CADM2: variants seen among roughly 807,000 people sequenced by gnomAD.
CADM2 encodes the protein immunoglobulin superfamily member 4D.
CADM2 carries 12 observed loss-of-function variants against 49.8 expected under a neutral mutation model. The ratio of observed to expected loss-of-function variants is 0.24; its 90% confidence interval spans 0.15 to 0.39. CADM2 has a LOEUF of 0.39. Among genes scored for constraint, CADM2 ranks in the 10% least tolerant of loss-of-function variants. The pLI, the probability that CADM2 is intolerant of heterozygous loss-of-function variation, is 1.00. For missense variants in CADM2, 378 were observed against 492.3 expected (o/e 0.77, Z 2.20); for synonymous variants, 214 against 175.4 (o/e 1.22, Z -1.74).
intron 2 of CADM2, among the ~76,000 whole-genome samples, chr3:85,753,151 T>C (rs2107868020): frequency 6.6e-6 from 1 of 152,322 alleles, no homozygotes; most frequent in South Asian, 2.1e-4. Flanking sequence ...GGAGCTGTGC[T>C]GTAGACAGCA....
chr3:85,362,143 A>T (rs1241078202), intron 1 of CADM2, among the ~76,000 whole-genome samples: 1 of 152,218 alleles, frequency 6.6e-6, no homozygotes, highest in Non-Finnish European at 1.5e-5. Flanking sequence ...GAAATTAGGC[A>T]TATGGAATAT....
chr3:85,646,857 T>C (rs1420261934), intron 1 of CADM2, among the ~76,000 whole-genome samples: 1 of 151,984 alleles, frequency 6.6e-6, no homozygotes, highest in Non-Finnish European at 1.5e-5. Flanking sequence ...TTGTCACTAA[T>C]TAACACAGGG....
intron 1 of CADM2, among the ~76,000 whole-genome samples, chr3:85,345,293 G>A (rs1431891032): frequency 9.7e-6 from 1 of 103,026 alleles, no homozygotes. Context: ...CAGCCTGGGT[G>A]ACAGAGTGAG....
chr3:85,586,141 G>A (rs577490281), intron 1 of CADM2, among the ~76,000 whole-genome samples: 1 of 152,158 alleles, frequency 6.6e-6, no homozygotes, highest in South Asian at 2.1e-4. Flanking sequence ...ATCATCCACT[G>A]ATAGTCATTC....
intron 7 of CADM2, among the ~76,000 whole-genome samples, chr3:85,954,276 G>A (rs935157299): frequency 6.0e-5 from 9 of 150,896 alleles, no homozygotes; most frequent in African/African-American, 2.2e-4. Context: ...TATGTGGAAT[G>A]CTATTTATAA....
intron 1 of CADM2, among the ~76,000 whole-genome samples, chr3:85,278,016 CT>C (rs914973250): frequency 4.7e-5 from 7 of 149,868 alleles, no homozygotes; most frequent in South Asian, 4.2e-4. Context: ...AGTTTCTCCC[CT>C]TTTTTTTTCT....
intron 1 of CADM2, among the ~76,000 whole-genome samples, chr3:85,385,465 A>G (rs2107372584): frequency 6.6e-6 from 1 of 152,308 alleles, no homozygotes; most frequent in Non-Finnish European, 1.5e-5. Context: ...GCAAGTAAAT[A>G]AAACTTAATC....
At chr3:85,681,522 T>G (rs1486916807) in intron 1 of CADM2, among the ~76,000 whole-genome samples, 1 of 152,090 alleles carries the variant, frequency 6.6e-6, no homozygotes, top group Non-Finnish European at 1.5e-5. Context: ...GATAATCATT[T>G]AAGTCATATA....
In CADM2 at chr3:85,771,424, T is replaced by C. The variant is rs535017655; in HGVS notation, c.89-30623T>C. ...TAGAATTCAGTATTTTTCTACTATT[T>C]GCATGGGGAAAACAAAGCTTGCTTA... On this transcript the variant is annotated intron_variant, in intron 2 of 9. Transcript: ENST00000383699. 3.3e-4 allele frequency among the ~76,000 whole-genome samples: 51 copies of C among 152,256 alleles called. 1 individual carries two copies. The South Asian group carries it at 0.01, about 30-fold the overall frequency.
At chr3:85,809,251 A>G (rs2072655057) in intron 3 of CADM2, among the ~76,000 whole-genome samples, 1 of 152,178 alleles carries the variant, frequency 6.6e-6, no homozygotes, top group South Asian at 2.1e-4. Context: ...ACTGAGGTTT[A>G]CATATTTAAA....
chr3:85,825,057 G>T (rs564974272), intron 3 of CADM2, among the ~76,000 whole-genome samples: 1 of 152,082 alleles, frequency 6.6e-6, no homozygotes, highest in South Asian at 2.1e-4. Flanking sequence ...ATGAATTTTG[G>T]AAAGGAAAAG....
chr3:85,742,061 G>A (rs2068413693), intron 2 of CADM2, among the ~76,000 whole-genome samples: 1 of 152,158 alleles, frequency 6.6e-6, no homozygotes, highest in African/African-American at 2.4e-5. Flanking sequence ...GAAAATAAAG[G>A]ACGTTTTCCA....
intron 1 of CADM2, among the ~76,000 whole-genome samples, chr3:85,696,655 T>A (rs951435784): frequency 4.6e-5 from 7 of 152,060 alleles, no homozygotes; most frequent in African/African-American, 1.7e-4. Context: ...ACTTGTGAAA[T>A]ATTTTTATTA....
At chr3:85,243,900 A>G (rs2042588839) in intron 1 of CADM2, among the ~76,000 whole-genome samples, 1 of 152,050 alleles carries the variant, frequency 6.6e-6, no homozygotes, top group Non-Finnish European at 1.5e-5. Context: ...TTGTTATTAT[A>G]TAAATATTTA....
intron 1 of CADM2, among the ~76,000 whole-genome samples, chr3:85,128,208 C>T (rs1214447394): frequency 1.3e-5 from 2 of 152,178 alleles, no homozygotes; most frequent in Non-Finnish European, 2.9e-5. Flanking sequence ...GCTTCCAGAT[C>T]TTTGGCATCA....
At chr3:85,698,810 C>A (rs1303155325) in intron 1 of CADM2, among the ~76,000 whole-genome samples, 1 of 152,092 alleles carries the variant, frequency 6.6e-6, no homozygotes, top group African/African-American at 2.4e-5. Context: ...TGGTCCCTCC[C>A]AAATCTCATG....
chr3:85,712,306 T>C (rs2067142300), intron 1 of CADM2, among the ~76,000 whole-genome samples: 1 of 152,204 alleles, frequency 6.6e-6, no homozygotes, highest in Non-Finnish European at 1.5e-5. Flanking sequence ...TAATCTAATT[T>C]GCTTCCACAT....
At chr3:85,875,938 G>C (rs1711770731) in intron 3 of CADM2, among the ~76,000 whole-genome samples, 1 of 152,094 alleles carries the variant, frequency 6.6e-6, no homozygotes, top group Admixed American at 6.6e-5. Context: ...GGTAGAACTT[G>C]GCTTATTGTA....
rs188389747 is a variant in CADM2 at position 85,496,546 on chromosome 3, G to T, written c.62-229976G>T. 2.7e-3 allele frequency among the ~76,000 whole-genome samples: 418 copies of T among 152,104 alleles called. 1 individual carries two copies. The highest frequency in any genetic ancestry group is 4.6e-3 in the Non-Finnish European group (316 of 67,994). ...TTAGTAGAATGATCTATTTTCCTAG[G>T]CATATGTACTCACTAATGGGATTGC... On this transcript the variant is annotated intron_variant, in intron 1 of 9. Transcript: ENST00000383699.
Sources: allele counts gnomAD v4.1 joint callset (sites outside exome capture counted in the v4.1 genomes callset), GRCh38; gene constraint gnomAD v4.1.1; transcripts MANE v1.5; gene names NCBI Gene and HGNC (gene_info 2026-07-23, HGNC 2026-07-21).